Variants in TENM3 observed in about 807,000 individuals in gnomAD.
The protein encoded by TENM3 is teneurin-3.
Under a neutral mutation model 255.1 loss-of-function variants are expected in TENM3, and 63 were observed. The observed-to-expected ratio is 0.25, with a 90% confidence interval of 0.20 to 0.30. The LOEUF (loss-of-function observed/expected upper bound fraction) is 0.30, where lower values mean the gene tolerates loss of function less well. Among genes scored for constraint, TENM3 ranks in the 10% least tolerant of loss-of-function variants. The probability of loss-of-function intolerance (pLI) is 1.00; values close to 1 mark genes in which losing one functional copy is unlikely to be tolerated. For missense variants in TENM3, 2,929 were observed against 3,461.1 expected (o/e 0.85, Z 3.86); for synonymous variants, 1,306 against 1,322.3 (o/e 0.99, Z 0.27).
intron 3 of TENM3, among the ~76,000 whole-genome samples, chr4:182,495,776 T>C (rs1297284563): frequency 6.6e-6 from 1 of 152,214 alleles, no homozygotes; most frequent in East Asian, 1.9e-4. Context: ...GAAAACGGGA[T>C]GTAATTACAA....
chr4:182,756,216 A>G (rs1424835313), intron 22 of TENM3, among the ~76,000 whole-genome samples: 1 of 152,198 alleles, frequency 6.6e-6, no homozygotes, highest in African/African-American at 2.4e-5. Context: ...GAGAAGCTAC[A>G]CTGTGCCTCA....
the TENM3 span, among the ~76,000 whole-genome samples, chr4:181,782,523 A>G: frequency 6.6e-6 from 1 of 151,868 alleles, no homozygotes; most frequent in Non-Finnish European, 1.5e-5. Flanking sequence ...CTTCTTTATC[A>G]GTCTTGCTAG....
the TENM3 span, among the ~76,000 whole-genome samples, chr4:182,082,168 G>C: frequency 6.6e-6 from 1 of 152,174 alleles, no homozygotes; most frequent in Non-Finnish European, 1.5e-5. Flanking sequence ...AGGCTGGGAA[G>C]TCCAAGATCA....
At chr4:181,721,391 T>G in the TENM3 span, among the ~76,000 whole-genome samples, 2 of 150,922 alleles carry the variant, frequency 1.3e-5, no homozygotes, top group African/African-American at 4.9e-5. Context: ...CGTATAGAAG[T>G]GGAGTGGGTC....
chr4:182,581,270 C>T (rs1189549425), intron 3 of TENM3, among the ~76,000 whole-genome samples: 28 of 152,116 alleles, frequency 1.8e-4, no homozygotes, highest in Admixed American at 1.8e-3. Context: ...TGTGTATGAT[C>T]AAAGTAAGAA....
At chr4:182,783,860 C>T (rs1765387663) in intron 24 of TENM3, among the ~76,000 whole-genome samples, 1 of 151,924 alleles carries the variant, frequency 6.6e-6, no homozygotes, top group Admixed American at 6.6e-5. Context: ...GCTCCTGAGG[C>T]TTCTGCATTC....
chr4:181,832,961 T>C, the TENM3 span, among the ~76,000 whole-genome samples: 1 of 152,080 alleles, frequency 6.6e-6, no homozygotes. Context: ...TCACCCTGAG[T>C]GTGACCTGGA....
chr4:182,110,438 C>T, the TENM3 span, among the ~76,000 whole-genome samples: 1 of 152,022 alleles, frequency 6.6e-6, no homozygotes, highest in African/African-American at 2.4e-5. Flanking sequence ...GATCCTCCCT[C>T]CTCAGCCTCC....
At chr4:182,668,333 A>G (rs1449473854) in intron 6 of TENM3, among the ~76,000 whole-genome samples, 1 of 152,106 alleles carries the variant, frequency 6.6e-6, no homozygotes, top group Non-Finnish European at 1.5e-5. Context: ...CAACACATGA[A>G]TGTTATTGAG....
chr4:181,764,949 G>A, the TENM3 span, among the ~76,000 whole-genome samples: 1 of 152,088 alleles, frequency 6.6e-6, no homozygotes, highest in Non-Finnish European at 1.5e-5. Context: ...CCCACCTCAG[G>A]CTCCTAAAGT....
chr4:182,068,314 G>A, the TENM3 span, among the ~76,000 whole-genome samples: 4 of 152,040 alleles, frequency 2.6e-5, no homozygotes, highest in South Asian at 2.1e-4. Flanking sequence ...GAGGATGGCA[G>A]TGGGAAGTTT....
the TENM3 span, among the ~76,000 whole-genome samples, chr4:181,741,647 G>T: frequency 3.9e-5 from 6 of 152,144 alleles, no homozygotes; most frequent in Non-Finnish European, 8.8e-5. Flanking sequence ...CTTTGTACGT[G>T]TTGGATGATC....
the TENM3 span, among the ~76,000 whole-genome samples, chr4:181,849,953 A>T: frequency 0.15 from 5,328 of 34,754 alleles, 180 homozygotes; most frequent in African/African-American, 0.21. Flanking sequence ...TCTCTCTCAC[A>T]CACACACACA....
rs552259169 is a variant in TENM3, at chr4:182,636,932, A to G, written c.988+8043A>G. Reference sequence around the variant, plus strand: ...CTCTGTTTTAAACTATCATTTTTGCAAAACGTAGCAACATCTCCTAATGAC... The same window carrying G: ...CTCTGTTTTAAACTATCATTTTTGCGAAACGTAGCAACATCTCCTAATGAC... On this transcript the variant is annotated intron_variant, in intron 5 of 27. Coordinates refer to ENST00000511685, the MANE Select transcript of TENM3 (RefSeq NM_001080477.4). 5.9e-5 allele frequency among the ~76,000 whole-genome samples: 9 copies of G among 152,274 alleles called. No homozygotes were observed. In the East Asian group the frequency reaches 9.7e-4, roughly 16 times the overall value.
the TENM3 span, among the ~76,000 whole-genome samples, chr4:182,114,725 G>T: frequency 6.6e-6 from 1 of 152,146 alleles, no homozygotes; most frequent in African/African-American, 2.4e-5. Flanking sequence ...CCATTTTAGA[G>T]ATAACACTAG....
At chr4:182,358,257 A>T (rs1430353014) in intron 3 of TENM3, among the ~76,000 whole-genome samples, 1 of 141,760 alleles carries the variant, frequency 7.1e-6, no homozygotes, top group Non-Finnish European at 1.5e-5. Context: ...CTGTGAAGAA[A>T]GTCATTGGTA....
intron 1 of TENM3, among the ~76,000 whole-genome samples, chr4:182,222,311 A>G (rs1343121522): frequency 1.3e-5 from 2 of 152,232 alleles, no homozygotes; most frequent in African/African-American, 4.8e-5. Context: ...GGAGGTCTTC[A>G]AAACTCATTG....
the TENM3 span, among the ~76,000 whole-genome samples, chr4:181,856,356 C>G: frequency 2.6e-5 from 4 of 152,132 alleles, no homozygotes; most frequent in Non-Finnish European, 5.9e-5. Flanking sequence ...GTATTCCCCC[C>G]GGCTTCATCT....
chr4:182,430,754 T>C (rs1032680442), intron 3 of TENM3, among the ~76,000 whole-genome samples: 14 of 152,100 alleles, frequency 9.2e-5, no homozygotes, highest in Admixed American at 7.9e-4. Flanking sequence ...GGCTCACGCC[T>C]GTAATCCCAG....
Sources: gnomAD v4.1 joint callset for allele counts (sites outside exome capture counted in the v4.1 genomes callset) on GRCh38, gnomAD v4.1.1 for gene constraint, MANE v1.5 for transcripts, NCBI Gene and HGNC (gene_info 2026-07-23, HGNC 2026-07-21) for gene names.